The following CMIP variants were observed in gnomAD, a reference collection of about 807,000 sequenced individuals.
The protein encoded by CMIP is C-Maf-inducing protein.
CMIP carries 13 observed loss-of-function variants against 97.3 expected under a neutral mutation model. The ratio of observed to expected loss-of-function variants is 0.13; its 90% confidence interval spans 0.09 to 0.21. CMIP has a LOEUF of 0.21. Ranked by LOEUF, CMIP falls within the 10% of genes least tolerant of loss-of-function variation. The pLI is 1.00. For synonymous variants in CMIP, 538 were observed against 436.3 expected, an observed-to-expected ratio of 1.23 and a Z score of -2.91; for missense variants, 847 against 1,024.9, an observed-to-expected ratio of 0.83 and a Z score of 2.37.
chr16:81,698,404 G>A (rs1168213615), intron 14 of CMIP, among the ~76,000 whole-genome samples: 6 of 152,170 alleles, frequency 3.9e-5, no homozygotes, highest in Non-Finnish European at 8.8e-5. Flanking sequence ...GGATTCCTGG[G>A]GCGCAGGCAG....
Position 81,710,282 on chromosome 16 carries a change from G to A in CMIP, c.*483G>A. 1 of 179,406 alleles carries A rather than the reference G, an allele frequency of 5.6e-6. No homozygotes were observed. Among genetic ancestry groups the A allele is most frequent in the Non-Finnish European group, 1.2e-5 (1 of 83,102 alleles). The allele number at this position is 179,406 out of a possible 1,614,324, so 11.1% of individuals were successfully genotyped here. ...CCAGTCACATCACTGCACCCGTCCT[G>A]TGTCCTCACCATTGCTATGCAAAGT... is the stretch of plus-strand genomic sequence containing the variant. On this transcript the variant is annotated 3_prime_UTR_variant, in exon 21 of 21. Transcript: ENST00000537098.
chr16:81,594,019 C>A (rs1174010533), intron 1 of CMIP, among the ~76,000 whole-genome samples: 1 of 93,314 alleles, frequency 1.1e-5, no homozygotes, highest in African/African-American at 4.1e-5. Flanking sequence ...CTCTTCCTCC[C>A]CCCCTTCTCC....
intron 1 of CMIP, among the ~76,000 whole-genome samples, chr16:81,488,005 A>C (rs914058387): frequency 6.6e-6 from 1 of 152,152 alleles, no homozygotes; most frequent in Non-Finnish European, 1.5e-5. Flanking sequence ...GCAGCCTCGC[A>C]TCTTACTTTA....
At position 81,703,896 on chromosome 16, in the gene CMIP, A is replaced by T. The variant is rs947750871; in HGVS notation, c.1945-43A>T. 3 of 1,565,038 alleles carry T rather than the reference A, an allele frequency of 1.9e-6. No homozygotes were observed. In the South Asian group the frequency reaches 3.5e-5, roughly 18 times the overall value. On this transcript the variant is annotated intron_variant, in intron 17 of 20. Transcript: ENST00000537098. ...GATAGGAGGGCTCAGGGTCTCGGGA[A>T]CTCCCAGCAGCACCCTCAGGCCTCT...
At chr16:81,485,784 C>T (rs1372270023) in intron 1 of CMIP, among the ~76,000 whole-genome samples, 1 of 152,156 alleles carries the variant, frequency 6.6e-6, no homozygotes, top group Non-Finnish European at 1.5e-5. Flanking sequence ...GTCTTATTCC[C>T]AAATGCAGAA....
At chr16:81,596,967 A>C (rs955184388) in intron 1 of CMIP, among the ~76,000 whole-genome samples, 1 of 152,138 alleles carries the variant, frequency 6.6e-6, no homozygotes, top group African/African-American at 2.4e-5. Flanking sequence ...TAGGTCATCT[A>C]TGTGTTGTGC....
intron 1 of CMIP, among the ~76,000 whole-genome samples, chr16:81,606,007 C>A (rs960592971): frequency 6.6e-6 from 1 of 152,240 alleles, no homozygotes; most frequent in Non-Finnish European, 1.5e-5. Flanking sequence ...CCCTCTCTAC[C>A]TCCACCCCCA....
At chr16:81,639,469 A>C (rs560661297) in intron 3 of CMIP, among the ~76,000 whole-genome samples, 131 of 151,788 alleles carry the variant, frequency 8.6e-4, no homozygotes, top group Non-Finnish European at 1.6e-3. Flanking sequence ...GAATTTGTCT[A>C]CTCTAGGGAC....
In CMIP at chr16:81,709,983, G is replaced by C. The variant is rs950554455; in HGVS notation, c.*184G>C. 1.8e-6 allele frequency: 1 copy of C among 564,782 alleles called. No homozygotes were observed. Among genetic ancestry groups the C allele is most frequent in the Admixed American group, 3.0e-5 (1 of 33,382 alleles). The allele number at this position is 564,782 out of a possible 1,614,324, so 35.0% of individuals were successfully genotyped here. A position where few individuals can be genotyped will look rare whatever the true frequency, so the allele number is the denominator to read the frequency against. ...GGGCCCACAAGCACGCCCAGCCCCC[G>C]CCGAATTCTTTTAGCTTCGTAATTG... On this transcript the variant is annotated 3_prime_UTR_variant, in exon 21 of 21. Coordinates refer to ENST00000537098, the MANE Select transcript of CMIP (RefSeq NM_198390.3).
chr16:81,657,124 T>A (rs1477620636), intron 4 of CMIP, among the ~76,000 whole-genome samples: 1 of 152,156 alleles, frequency 6.6e-6, no homozygotes, highest in Non-Finnish European at 1.5e-5. Flanking sequence ...CTGTAACAGT[T>A]ACCAATTATT....
intron 14 of CMIP, 21 bp from the exon 15 acceptor site, chr16:81,699,664 C>T: frequency 6.5e-7 from 1 of 1,530,696 alleles, no homozygotes; most frequent in African/African-American, 1.4e-5. Context: ...GTCCCTTCAC[C>T]TGGGCCTTCT....
intron 10 of CMIP, among the ~76,000 whole-genome samples, chr16:81,689,573 G>T (rs534874659): frequency 1.2e-4 from 18 of 152,330 alleles, no homozygotes; most frequent in African/African-American, 4.3e-4. Context: ...CAGATGGGTA[G>T]ATTGTAAAAA....
chr16:81,667,799 A>AGAGAGAGAGTGAGTGT, intron 7 of CMIP, among the ~76,000 whole-genome samples: 2 of 58,096 alleles, frequency 3.4e-5, no homozygotes, highest in Non-Finnish European at 6.4e-5. Context: ...AGAGAGAGAG[A>AGAGAGAGAGTGAGTGT]GTGTGTGTGT....
chr16:81,558,307 G>T (rs893848787), intron 1 of CMIP, among the ~76,000 whole-genome samples: 1 of 152,168 alleles, frequency 6.6e-6, no homozygotes, highest in Middle Eastern at 3.4e-3. Flanking sequence ...TCCGCCTCTC[G>T]GCCGTTACAG....
chr16:81,707,804 G>A (rs372262570), intron 20 of CMIP, among the ~76,000 whole-genome samples: 1 of 152,262 alleles, frequency 6.6e-6, no homozygotes, highest in South Asian at 2.1e-4. Context: ...CAGAAGGAGC[G>A]GGCGGGACTG....
intron 1 of CMIP, among the ~76,000 whole-genome samples, chr16:81,560,432 A>G (rs972358238): frequency 2.6e-5 from 4 of 152,002 alleles, no homozygotes; most frequent in African/African-American, 9.7e-5. Context: ...GTTAGCCAGG[A>G]TGGTCTTGAT....
intron 1 of CMIP, among the ~76,000 whole-genome samples, chr16:81,488,825 C>G (rs750275381): frequency 3.3e-5 from 5 of 152,146 alleles, no homozygotes; most frequent in African/African-American, 4.8e-5. Flanking sequence ...AGAGAATAAT[C>G]TCTGGCAGAG....
chr16:81,652,904 A>G lies in CMIP; in HGVS notation c.639+540A>G, dbSNP rs941945969. On this transcript the variant is annotated intron_variant, in intron 4 of 20. Coordinates refer to ENST00000537098, the MANE Select transcript of CMIP (RefSeq NM_198390.3). The surrounding 1 kb of genome is among the most constrained non-coding windows in gnomAD (Gnocchi z 5.2). ...CCATCTGCTTTGCTGGCCTCCTCGCATATTGAATGTGTGCTTTGTGCCAGG... is the reference window on the plus strand; with the variant it reads ...CCATCTGCTTTGCTGGCCTCCTCGCGTATTGAATGTGTGCTTTGTGCCAGG... Among the ~76,000 whole-genome samples, 1 of 151,982 alleles carries G rather than the reference A, an allele frequency of 6.6e-6. No individual in the cohort carries two copies. The highest frequency in any genetic ancestry group is 1.5e-5 in the Non-Finnish European group (1 of 67,992).
chr16:81,606,187 G>A (rs543423196), intron 1 of CMIP, among the ~76,000 whole-genome samples: 14 of 152,218 alleles, frequency 9.2e-5, no homozygotes, highest in Admixed American at 2.6e-4. Flanking sequence ...TCAGATGGCC[G>A]AGTTCAGTCT....
Sources: allele counts gnomAD v4.1 joint callset (sites outside exome capture counted in the v4.1 genomes callset), GRCh38; gene constraint gnomAD v4.1.1; non-coding constraint Gnocchi (gnomAD v3.1); transcripts MANE v1.5; gene names NCBI Gene and HGNC (gene_info 2026-07-23, HGNC 2026-07-21).